MYH7: variants seen among roughly 807,000 people sequenced by gnomAD.
MYH7 encodes the protein myosin-7.
In MYH7, 129 loss-of-function variants were observed where a neutral mutation model predicts 225.4. The ratio of observed to expected loss-of-function variants is 0.57; its 90% CI spans 0.50 to 0.66. MYH7 has a LOEUF of 0.66. Ranked by LOEUF, MYH7 falls within the 30% of genes least tolerant of loss-of-function variation. The pLI is 0.00. For missense variants in MYH7, 1,649 were observed against 2,517.0 expected (o/e 0.66, Z 7.38); for synonymous variants, 971 against 1,007.6 (o/e 0.96, Z 0.69).
rs3729832 is a variant in MYH7 at position 23,414,928 on chromosome 14, T to A, written c.5559+67A>T. 198,888 of 1,599,480 alleles carry A rather than the reference T, an allele frequency of 0.12. 13,449 individuals carry two copies. The highest frequency in any genetic ancestry group is 0.22 in the African/African-American group (16,616 of 74,942). ...AAGAGGCTAAGAGCAAACTCTTCAT[T>A]CTCCTCAGCTGGTTGTCACTGTGGC... is the stretch of plus-strand genomic sequence containing the variant. On this transcript the variant is annotated intron_variant, in intron 37 of 39. Transcript: ENST00000355349.
intron 25 of MYH7, among the ~76,000 whole-genome samples, chr14:23,421,365 T>C (rs142376711): frequency 2.0e-3 from 302 of 152,370 alleles, no homozygotes; most frequent in African/African-American, 6.6e-3. Flanking sequence ...TTTTTAGCTC[T>C]GATGGTCTTT....
At chr14:23,419,419 T>A (rs923513749) in intron 28 of MYH7, 64 bp downstream of exon 28, 1 of 1,611,958 alleles carries the variant, frequency 6.2e-7, no homozygotes, top group Admixed American at 1.7e-5. Flanking sequence ...TGCCCGAGGC[T>A]GGAGTGGCTC....
intron 6 of MYH7, among the ~76,000 whole-genome samples, 196 bp downstream of exon 6, chr14:23,432,283 A>G (rs1054589055): frequency 2.0e-5 from 3 of 152,150 alleles, no homozygotes; most frequent in Non-Finnish European, 2.9e-5. Flanking sequence ...GAGGAAAAAC[A>G]TGAAGGGGAT....
intron 22 of MYH7, 84 bp downstream of exon 22, chr14:23,424,685 G>A: frequency 6.3e-7 from 1 of 1,599,428 alleles, no homozygotes; most frequent in South Asian, 1.1e-5. Context: ...ACAAGACAGT[G>A]AGCCCCTGTG....
At position 23,413,762 on chromosome 14, in the gene MYH7, C is replaced by T. The variant is rs397516257; in HGVS notation, c.5787G>A (p.Thr1929=). ...AAAGCCCAAAAGAGGGACCCACCTT[C>T]GTGCCAATGTCACGGCTCTTGGCCC... ...KLRAKSRDIG[T]KGLNEE The change falls in exon 39 of 40, where the codon ACG becomes ACA. Residue 1929 remains threonine (T), a synonymous_variant. Transcript: ENST00000355349. 69 of 1,613,942 alleles carry T rather than the reference C, an allele frequency of 4.3e-5. No individual in the cohort carries two copies. Among genetic ancestry groups the T allele is most frequent in the Non-Finnish European group, 5.7e-5 (67 of 1,180,058 alleles).
intron 17 of MYH7, 142 bp downstream of exon 17, chr14:23,427,098 G>A (rs893822137): frequency 2.1e-5 from 18 of 875,698 alleles, no homozygotes; most frequent in Middle Eastern, 3.2e-4. Context: ...GACGGGAAGA[G>A]AAGACAGAGT....
In MYH7 at chr14:23,412,798, C is replaced by T; in HGVS notation, c.*56G>A. ...CTCCCAAGGAGCTGTTACACAGGCTCCAGCATGGGGCTTTGCTGGCACCTC... is the reference window on the plus strand; with the variant it reads ...CTCCCAAGGAGCTGTTACACAGGCTTCAGCATGGGGCTTTGCTGGCACCTC... On this transcript the variant is annotated 3_prime_UTR_variant, in exon 40 of 40. Coordinates refer to ENST00000355349, the MANE Select transcript of MYH7 (RefSeq NM_000257.4). 1 of 1,605,606 alleles carries T rather than the reference C, an allele frequency of 6.2e-7. No homozygotes were observed. The highest frequency in any genetic ancestry group is 1.1e-5 in the South Asian group (1 of 90,918).
In MYH7 at chr14:23,415,596, C is replaced by T; in HGVS notation, c.5157+33G>A. ...CTTGCTTGCTGAGCCCCAGCCTGTG[C>T]TCCCTTCAGGAATGAGCAGGGGAGC... On this transcript the variant is annotated intron_variant, in intron 35 of 39. Transcript: ENST00000355349. The surrounding 1 kb of genome is among the most constrained non-coding windows in gnomAD (Gnocchi z 6.3). The T allele has an allele frequency of 6.2e-7, 1 of 1,613,696 alleles. No homozygotes were observed. The highest frequency in any genetic ancestry group is 8.5e-7 in the Non-Finnish European group (1 of 1,180,010).
chr14:23,418,011 C>A, intron 30 of MYH7, 199 bp downstream of exon 30: 1 of 971,026 alleles, frequency 1.0e-6, no homozygotes, highest in South Asian at 1.3e-5. Context: ...ACCTTTTGTT[C>A]GTCTTATATT....
chr14:23,413,903 G>A lies in MYH7; in HGVS notation c.5656-10C>T, dbSNP rs199651194. On this transcript the variant is annotated splice_polypyrimidine_tract_variant and intron_variant, in intron 38 of 39. Coordinates refer to ENST00000355349, the MANE Select transcript of MYH7 (RefSeq NM_000257.4). The stretch of plus-strand genomic sequence containing the variant: ...TGTTGGCTTGCTCCTCCTGCGGGAG[G>A]TGGGAGCATGAGGTGAGAGGGGGCC... 6.2e-7 allele frequency: 1 copy of A among 1,614,252 alleles called. No homozygotes were observed. Among genetic ancestry groups the A allele is most frequent in the East Asian group, 2.2e-5 (1 of 44,886 alleles).
At chr14:23,431,043 G>T in intron 9 of MYH7, 44 bp from the exon 10 acceptor site, 1 of 1,424,834 alleles carries the variant, frequency 7.0e-7, no homozygotes, top group Non-Finnish European at 9.9e-7. Context: ...AAAAGTTAGG[G>T]TTTGGGCACA....
intron 24 of MYH7, 86 bp downstream of exon 24, chr14:23,423,461 A>T: frequency 7.0e-7 from 1 of 1,426,730 alleles, no homozygotes; most frequent in Non-Finnish European, 9.9e-7. Flanking sequence ...ACACACACAC[A>T]CACACACACA....
At chr14:23,417,038 G>A in intron 32 of MYH7, 46 bp from the exon 33 acceptor site, 1 of 1,614,140 alleles carries the variant, frequency 6.2e-7, no homozygotes, top group Non-Finnish European at 8.5e-7. Context: ...CTGAGGTCCA[G>A]TGGAGTTGGA....
rs397516154 is a variant in MYH7 at position 23,424,923 on chromosome 14, C to G, written c.2525G>C (p.Ser842Thr). Reference protein sequence around the residue: ...LYFKIKPLLKSAEREKEMASM... With the variant: ...LYFKIKPLLKTAEREKEMASM... ...GGCCATCTCCTTCTCTCTTTCTGCA[C>G]TCTTCAGCAGCGGCTTGATCTTGAA... The change falls in exon 22 of 40, where the codon AGT (serine) becomes ACT (threonine). Residue 842 changes from serine to threonine, a missense_variant. Coordinates refer to ENST00000355349, the MANE Select transcript of MYH7 (RefSeq NM_000257.4). 6.2e-7 allele frequency: 1 copy of G among 1,614,228 alleles called. No homozygotes were observed. Among genetic ancestry groups the G allele is most frequent in the Non-Finnish European group, 8.5e-7 (1 of 1,180,036 alleles).
chr14:23,425,457 G>T lies in MYH7; in HGVS notation c.2287-39C>A, dbSNP rs1258074728. ...GTGTGTTGGCCATGACTAGGGAGGG[G>T]TACGAGGGAAAGAGATGGTGGGGAT... On this transcript the variant is annotated intron_variant, in intron 20 of 39. Transcript: ENST00000355349. This position sits in a 1 kb window ranked among gnomAD's most constrained non-coding sequence, Gnocchi z 4.6. The T allele has an allele frequency of 6.2e-7, 1 of 1,613,904 alleles. No homozygotes were observed. Among genetic ancestry groups the T allele is most frequent in the Non-Finnish European group, 8.5e-7 (1 of 1,180,018 alleles).
At chr14:23,423,311 G>A (rs944265072) in intron 24 of MYH7, among the ~76,000 whole-genome samples, 2 of 152,088 alleles carry the variant, frequency 1.3e-5, no homozygotes, top group African/African-American at 4.8e-5. Context: ...GATCATACCA[G>A]TGAGATTAGA....
intron 23 of MYH7, 91 bp downstream of exon 23, chr14:23,423,816 C>T: frequency 6.2e-7 from 1 of 1,613,534 alleles, no homozygotes; most frequent in South Asian, 1.1e-5. Flanking sequence ...ATGCTGCTCT[C>T]TGGATGCCGA....
Position 23,427,222 on chromosome 14 carries a change from G to C in MYH7, c.1956+18C>G. On this transcript the variant is annotated intron_variant, in intron 17 of 39. Coordinates refer to ENST00000355349, the MANE Select transcript of MYH7 (RefSeq NM_000257.4). ...GGCAGATGGGGAGCCAAGTTGGCTG[G>C]GGCTGTGTCCCACTCACCCTGTGCA... The C allele has an allele frequency of 1.2e-6, 2 of 1,613,026 alleles. No homozygotes were observed. Among genetic ancestry groups the C allele is most frequent in the Non-Finnish European group, 1.7e-6 (2 of 1,179,960 alleles).
intron 23 of MYH7, 92 bp from the exon 24 acceptor site, chr14:23,423,815 T>C: frequency 6.2e-7 from 1 of 1,613,396 alleles, no homozygotes; most frequent in Middle Eastern, 1.7e-4. Flanking sequence ...CATGCTGCTC[T>C]CTGGATGCCG....
Sources: gnomAD v4.1 joint callset for allele counts (sites outside exome capture counted in the v4.1 genomes callset) on GRCh38, gnomAD v4.1.1 for gene constraint, Gnocchi (gnomAD v3.1) non-coding constraint, MANE v1.5 for transcripts, NCBI Gene and HGNC (gene_info 2026-07-23, HGNC 2026-07-21) for gene names.